Variants in PRKAR1B observed in about 807,000 individuals in gnomAD.
PRKAR1B encodes the protein protein kinase cAMP-dependent type I regulatory subunit beta.
In PRKAR1B, 22 loss-of-function variants were observed where a neutral mutation model predicts 46.5. The ratio of observed to expected loss-of-function variants is 0.47; its 90% CI spans 0.34 to 0.68. The LOEUF is 0.68. Ranked by LOEUF, PRKAR1B falls within the 30% of genes least tolerant of loss-of-function variation. The probability of loss-of-function intolerance (pLI) is 0.01; values close to 1 mark genes in which losing one functional copy is unlikely to be tolerated. For missense variants in PRKAR1B, 445 were observed against 535.6 expected (o/e 0.83, Z 1.67); for synonymous variants, 259 against 217.7 (o/e 1.19, Z -1.67).
chr7:727,166 T>G, intron 1 of PRKAR1B, 44 bp downstream of exon 1: 1 of 1,309,464 alleles, frequency 7.6e-7, no homozygotes, highest in Non-Finnish European at 9.8e-7. Context: ...GTGCAGCTGC[T>G]GGGCCTGGCC....
At chr7:617,634 C>T (rs1459395667) in intron 4 of PRKAR1B, among the ~76,000 whole-genome samples, 3 of 152,186 alleles carry the variant, frequency 2.0e-5, no homozygotes, top group Admixed American at 6.5e-5. Flanking sequence ...GGTGATGGGT[C>T]CTTGTCACCG....
At chr7:574,889 T>C (rs1390777579) in intron 9 of PRKAR1B, among the ~76,000 whole-genome samples, 1 of 152,222 alleles carries the variant, frequency 6.6e-6, no homozygotes, top group Non-Finnish European at 1.5e-5. Flanking sequence ...TCAATGGTTG[T>C]AAAACCTAGA....
chr7:623,559 G>A (rs1783223288), intron 4 of PRKAR1B, among the ~76,000 whole-genome samples: 1 of 152,164 alleles, frequency 6.6e-6, no homozygotes, highest in South Asian at 2.1e-4. Context: ...TGGTCACCCT[G>A]GCCTCTCTTC....
intron 8 of PRKAR1B, among the ~76,000 whole-genome samples, chr7:582,654 C>T (rs1370678848): frequency 1.3e-5 from 2 of 152,248 alleles, no homozygotes; most frequent in African/African-American, 4.8e-5. Context: ...GGGTCACCAG[C>T]CCTCGCCCGG....
At chr7:596,106 G>A in intron 7 of PRKAR1B, 40 bp downstream of exon 7, 1 of 1,591,312 alleles carries the variant, frequency 6.3e-7, no homozygotes, top group Non-Finnish European at 8.6e-7. Context: ...CCTGGCCAAG[G>A]GTGGGTGTTG....
intron 6 of PRKAR1B, among the ~76,000 whole-genome samples, chr7:601,162 T>C (rs888466858): frequency 7.9e-5 from 12 of 152,246 alleles, no homozygotes; most frequent in African/African-American, 2.9e-4. Context: ...CCAGCGCAGT[T>C]AAATACCCAC....
In PRKAR1B at chr7:644,366, T is replaced by C. The variant is rs1270744754; in HGVS notation, c.440+32863A>G. Among the ~76,000 whole-genome samples the C allele has an allele frequency of 6.6e-6, 1 of 152,140 alleles. No individual in the cohort carries two copies. Among genetic ancestry groups the C allele is most frequent in the East Asian group, 1.9e-4 (1 of 5,182 alleles). Reference sequence around the variant, plus strand: ...GAGGTACACAATGAGGTGGGGAAACTGAGGCGCGCACATTCGGAACGGGGT... The same window carrying C: ...GAGGTACACAATGAGGTGGGGAAACCGAGGCGCGCACATTCGGAACGGGGT... On this transcript the variant is annotated intron_variant, in intron 4 of 10. Transcript: ENST00000537384. The surrounding 1 kb of genome is among the most constrained non-coding windows in gnomAD (Gnocchi z 4.9).
intron 5 of PRKAR1B, 128 bp downstream of exon 5, chr7:607,263 C>T (rs985931677): frequency 2.0e-5 from 17 of 842,660 alleles, no homozygotes; most frequent in Non-Finnish European, 2.9e-5. Flanking sequence ...ATCTGCCCAC[C>T]TCAGCCTCCC....
At chr7:685,302 A>ACG (rs1562615643) in intron 2 of PRKAR1B, among the ~76,000 whole-genome samples, 855 of 15,754 alleles carry the variant, frequency 0.054, 141 homozygotes, top group South Asian at 0.13. Flanking sequence ...ATACATATAT[A>ACG]TATACGTATA....
At chr7:551,609 A>G in intron 9 of PRKAR1B, 139 bp from the exon 10 acceptor site, 1 of 767,154 alleles carries the variant, frequency 1.3e-6, no homozygotes, top group Admixed American at 2.3e-5. Context: ...CACTGCCGAC[A>G]CCACGTCACC....
chr7:665,043 C>T (rs1054831574), intron 4 of PRKAR1B, among the ~76,000 whole-genome samples: 1 of 152,138 alleles, frequency 6.6e-6, no homozygotes, highest in South Asian at 2.1e-4. Context: ...ACAAATCAGA[C>T]AAAGCAAGAG....
At chr7:726,761 A>T in intron 1 of PRKAR1B, 9 of 1,255,670 alleles carry the variant, frequency 7.2e-6, no homozygotes, top group Non-Finnish European at 9.0e-6. Context: ...GCGGCCCCAC[A>T]CCCGGCTGAG....
At chr7:663,261 C>CT (rs1244458258) in intron 4 of PRKAR1B, among the ~76,000 whole-genome samples, 6 of 152,144 alleles carry the variant, frequency 3.9e-5, no homozygotes, top group African/African-American at 1.4e-4. Flanking sequence ...GGGTCTTGCC[C>CT]TGTCACCCAG....
At chr7:686,967 A>T (rs776233225) in intron 2 of PRKAR1B, among the ~76,000 whole-genome samples, 1 of 152,220 alleles carries the variant, frequency 6.6e-6, no homozygotes, top group Non-Finnish European at 1.5e-5. Context: ...TTTTGTGTGG[A>T]CACTAGAAAG....
intron 9 of PRKAR1B, among the ~76,000 whole-genome samples, chr7:552,397 C>T (rs113729397): frequency 1.4e-3 from 162 of 115,850 alleles, no homozygotes; most frequent in Non-Finnish European, 1.6e-3. Context: ...TCTCCAGAGC[C>T]ACTGCCACCA....
intron 9 of PRKAR1B, among the ~76,000 whole-genome samples, chr7:558,676 C>T (rs930744048): frequency 1.3e-4 from 20 of 151,888 alleles, no homozygotes; most frequent in Non-Finnish European, 2.8e-4. Context: ...TTGAATGAAC[C>T]GAGAGGGGGA....
chr7:687,361 C>T lies in PRKAR1B; in HGVS notation c.178-6635G>A, dbSNP rs577870627. ...AAAGATGAAATTGAGAACACTGGCA[C>T]GAAACTAAGAAAAAAAACTATAAGG... is the stretch of plus-strand genomic sequence containing the variant. On this transcript the variant is annotated intron_variant, in intron 2 of 10. Transcript: ENST00000537384. 5.9e-5 allele frequency among the ~76,000 whole-genome samples: 9 copies of T among 151,448 alleles called. No individual in the cohort carries two copies. The East Asian group carries it at 1.2e-3, about 20-fold the overall frequency.
intron 4 of PRKAR1B, among the ~76,000 whole-genome samples, chr7:617,123 A>C (rs1236981920): frequency 1.3e-5 from 2 of 151,230 alleles, no homozygotes; most frequent in Non-Finnish European, 2.9e-5. Flanking sequence ...CCTCCCGAGT[A>C]GCTGGGATTA....
chr7:712,261 A>T (rs1701887882), intron 1 of PRKAR1B, among the ~76,000 whole-genome samples: 1 of 140,154 alleles, frequency 7.1e-6, no homozygotes, highest in South Asian at 2.4e-4. Context: ...GCCGGCGAGG[A>T]CCCTCCCGGG....
Sources: gnomAD v4.1 joint callset for allele counts (sites outside exome capture counted in the v4.1 genomes callset) on GRCh38, gnomAD v4.1.1 for gene constraint, Gnocchi (gnomAD v3.1) non-coding constraint, MANE v1.5 for transcripts, NCBI Gene and HGNC (gene_info 2026-07-23, HGNC 2026-07-21) for gene names.